RNGTT: variants seen among roughly 807,000 people sequenced by gnomAD.
RNGTT encodes the protein mRNA-capping enzyme.
Under a neutral mutation model 79.3 loss-of-function variants are expected in RNGTT, and 33 were observed. That is an observed-to-expected ratio of 0.42 (90% CI 0.32 to 0.56). RNGTT has a LOEUF of 0.56. Ranked by LOEUF, RNGTT falls within the 20% of genes least tolerant of loss-of-function variation. The pLI is 0.17. For synonymous variants in RNGTT, 222 were observed against 235.9 expected, an observed-to-expected ratio of 0.94 and a Z score of 0.54; for missense variants, 497 against 739.1, an observed-to-expected ratio of 0.67 and a Z score of 3.80.
chr6:88,679,823 A>G (rs1775021956), intron 13 of RNGTT, among the ~76,000 whole-genome samples: 1 of 152,224 alleles, frequency 6.6e-6, no homozygotes. Context: ...TTTATCACAA[A>G]TCTTTTCATA....
At chr6:88,656,597 A>C (rs1773986721) in intron 14 of RNGTT, among the ~76,000 whole-genome samples, 1 of 152,062 alleles carries the variant, frequency 6.6e-6, no homozygotes, top group African/African-American at 2.4e-5. Context: ...GAAACCTCTG[A>C]AATTATAAGC....
chr6:88,787,427 G>T (rs763285672), intron 12 of RNGTT, among the ~76,000 whole-genome samples: 1 of 152,060 alleles, frequency 6.6e-6, no homozygotes, highest in Non-Finnish European at 1.5e-5. Context: ...TTGGGAGGCC[G>T]AGGTGGGCGG....
intron 14 of RNGTT, among the ~76,000 whole-genome samples, chr6:88,632,187 C>T (rs559491928): frequency 6.6e-6 from 1 of 152,240 alleles, no homozygotes; most frequent in Non-Finnish European, 1.5e-5. Flanking sequence ...GTCTCAAACA[C>T]CCGGGCTGAA....
intron 11 of RNGTT, among the ~76,000 whole-genome samples, chr6:88,843,586 T>C (rs1781378524): frequency 8.0e-6 from 1 of 124,314 alleles, no homozygotes; most frequent in Admixed American, 9.7e-5. Context: ...TGAGACAGAG[T>C]CTTGCTCTGT....
chr6:88,631,346 G>A (rs776655383), intron 14 of RNGTT, among the ~76,000 whole-genome samples: 7 of 152,116 alleles, frequency 4.6e-5, no homozygotes, highest in Non-Finnish European at 7.4e-5. Context: ...TATATGGCTG[G>A]ATTGTCTTTT....
intron 14 of RNGTT, among the ~76,000 whole-genome samples, chr6:88,628,342 G>A (rs964854276): frequency 6.6e-6 from 1 of 152,036 alleles, no homozygotes; most frequent in African/African-American, 2.4e-5. Flanking sequence ...TTTTAGAGCT[G>A]AAACTCCAAG....
intron 13 of RNGTT, among the ~76,000 whole-genome samples, chr6:88,740,927 A>G (rs1210319991): frequency 6.6e-6 from 1 of 152,182 alleles, no homozygotes; most frequent in African/African-American, 2.4e-5. Flanking sequence ...CTTTTTAGTA[A>G]TAGCCATTCT....
chr6:88,757,672 A>G (rs1348335726), intron 13 of RNGTT, among the ~76,000 whole-genome samples: 4 of 152,234 alleles, frequency 2.6e-5, no homozygotes, highest in Admixed American at 6.5e-5. Flanking sequence ...AATGTTTTCA[A>G]AAGATTTTAC....
At chr6:88,943,839 G>T (rs1171172121) in intron 1 of RNGTT, among the ~76,000 whole-genome samples, 2 of 152,016 alleles carry the variant, frequency 1.3e-5, no homozygotes, top group African/African-American at 4.8e-5. Context: ...TAACCTCCTT[G>T]CTCTGCCCCC....
intron 4 of RNGTT, among the ~76,000 whole-genome samples, chr6:88,924,557 C>G (rs182813763): frequency 6.6e-6 from 1 of 152,158 alleles, no homozygotes; most frequent in African/African-American, 2.4e-5. Context: ...AACTCCTGGG[C>G]TCAAGCAATC....
chr6:88,840,843 A>G (rs937028298), intron 11 of RNGTT, among the ~76,000 whole-genome samples: 2 of 152,234 alleles, frequency 1.3e-5, no homozygotes, highest in African/African-American at 4.8e-5. Context: ...ATCCCTAAAA[A>G]ATAGTTCTGA....
chr6:88,612,712 G>A lies in RNGTT; in HGVS notation c.*7C>T, dbSNP rs768989742. The A allele has an allele frequency of 3.7e-6, 6 of 1,609,322 alleles. No homozygotes were observed. The Admixed American group carries it at 6.7e-5, about 18-fold the overall frequency. ...TTTCTTCTTAACCCTCAAGTCACAGGCAGGTCTTAGGTTAAAGGGCGTGGT... is the reference window on the plus strand; with the variant it reads ...TTTCTTCTTAACCCTCAAGTCACAGACAGGTCTTAGGTTAAAGGGCGTGGT... On this transcript the variant is annotated 3_prime_UTR_variant, in exon 16 of 16. Transcript: ENST00000369485.
chr6:88,837,731 T>C (rs532621041), intron 11 of RNGTT, among the ~76,000 whole-genome samples: 1 of 152,226 alleles, frequency 6.6e-6, no homozygotes, highest in Admixed American at 6.5e-5. Flanking sequence ...ATTCGATCTA[T>C]AGTAGATGAA....
At chr6:88,629,183 G>C (rs1353170683) in intron 14 of RNGTT, among the ~76,000 whole-genome samples, 2 of 152,046 alleles carry the variant, frequency 1.3e-5, no homozygotes, top group Non-Finnish European at 2.9e-5. Flanking sequence ...TCCTAAACTG[G>C]GTCTGTGAAA....
At chr6:88,728,071 C>A (rs930381221) in intron 13 of RNGTT, among the ~76,000 whole-genome samples, 1 of 152,180 alleles carries the variant, frequency 6.6e-6, no homozygotes, top group Non-Finnish European at 1.5e-5. Flanking sequence ...AAAGCACCGT[C>A]CCCTCCAGGG....
At chr6:88,780,006 T>A (rs906741324) in intron 12 of RNGTT, among the ~76,000 whole-genome samples, 6 of 151,314 alleles carry the variant, frequency 4.0e-5, no homozygotes, top group Non-Finnish European at 7.4e-5. Flanking sequence ...ATAAATAAAT[T>A]AATTAATTAA....
rs534383637 is a variant in RNGTT at position 88,672,354 on chromosome 6, T to C, written c.1506+5999A>G. On this transcript the variant is annotated intron_variant, in intron 14 of 15. Transcript: ENST00000369485. ...ATGTAATGCTCCATATATATGTATA[T>C]GATGAAATACTACTCAGCTATAAAA... Among the ~76,000 whole-genome samples the C allele has an allele frequency of 4.2e-4, 64 of 152,154 alleles. 4 individuals carry two copies. In the South Asian group the frequency reaches 0.013, roughly 31 times the overall value.
At chr6:88,716,518 C>G (rs902978409) in intron 13 of RNGTT, among the ~76,000 whole-genome samples, 7 of 152,094 alleles carry the variant, frequency 4.6e-5, no homozygotes, top group Non-Finnish European at 1.0e-4. Flanking sequence ...ACATGCACAC[C>G]TATGTTTATT....
intron 2 of RNGTT, among the ~76,000 whole-genome samples, chr6:88,937,974 G>A (rs1461088038): frequency 6.6e-6 from 1 of 152,142 alleles, no homozygotes; most frequent in African/African-American, 2.4e-5. Context: ...CCTAGAGATT[G>A]TTCCATTTCC....
Sources: gnomAD v4.1 joint callset for allele counts (sites outside exome capture counted in the v4.1 genomes callset) on GRCh38, gnomAD v4.1.1 for gene constraint, MANE v1.5 for transcripts, NCBI Gene and HGNC (gene_info 2026-07-23, HGNC 2026-07-21) for gene names.